Variants in WWOX observed in about 807,000 individuals in gnomAD.
The protein encoded by WWOX is WW domain-containing oxidoreductase.
In WWOX, 69 loss-of-function variants were observed where a neutral mutation model predicts 46.2. The observed-to-expected ratio is 1.49, with a 90% CI of 1.23 to 1.82. The LOEUF is 1.82. WWOX is among the 40% of genes most tolerant of loss of function. WWOX has a pLI of 0.00. For missense variants in WWOX, 919 were observed against 542.6 expected, an observed-to-expected ratio of 1.69 and a Z score of -6.89; for synonymous variants, 359 against 202.6, an observed-to-expected ratio of 1.77 and a Z score of -6.56.
intron 4 of WWOX, among the ~76,000 whole-genome samples, chr16:78,146,504 C>G (rs1443851519): frequency 6.6e-6 from 1 of 152,136 alleles, no homozygotes; most frequent in Non-Finnish European, 1.5e-5. Flanking sequence ...GTGCATCCCT[C>G]ACATTCACAC....
chr16:79,131,221 C>G (rs140865619), intron 8 of WWOX, among the ~76,000 whole-genome samples: 1 of 152,130 alleles, frequency 6.6e-6, no homozygotes, highest in African/African-American at 2.4e-5. Context: ...TGGTCTCTCC[C>G]TTCCTCCAGG....
chr16:79,180,588 G>C (rs1174901748), intron 8 of WWOX, among the ~76,000 whole-genome samples: 1 of 152,118 alleles, frequency 6.6e-6, no homozygotes, highest in East Asian at 1.9e-4. Flanking sequence ...CCCTGAAGAA[G>C]TGGAAAGAGA....
intron 8 of WWOX, among the ~76,000 whole-genome samples, chr16:79,089,400 C>T (rs996910168): frequency 2.0e-5 from 3 of 150,522 alleles, no homozygotes; most frequent in South Asian, 2.1e-4. Context: ...GGCATGATCT[C>T]GGCTCACTGC....
chr16:79,210,336 C>T (rs144661091), intron 8 of WWOX, among the ~76,000 whole-genome samples: 1 of 152,222 alleles, frequency 6.6e-6, no homozygotes, highest in East Asian at 1.9e-4. Context: ...GGACCTGACT[C>T]TCCCAGGGAT....
At chr16:78,511,365 C>T (rs2085356516) in intron 8 of WWOX, among the ~76,000 whole-genome samples, 1 of 152,146 alleles carries the variant, frequency 6.6e-6, no homozygotes, top group African/African-American at 2.4e-5. Context: ...ATTTTGAGAA[C>T]TCTGAAATAA....
intron 8 of WWOX, among the ~76,000 whole-genome samples, chr16:78,839,495 T>A (rs142061103): frequency 6.6e-6 from 1 of 152,336 alleles, no homozygotes; most frequent in East Asian, 1.9e-4. Context: ...ATGCATTTTA[T>A]GTACAGGGCT....
intron 8 of WWOX, among the ~76,000 whole-genome samples, chr16:78,509,939 AAAG>A (rs1271209015): frequency 1.3e-5 from 2 of 150,448 alleles, no homozygotes; most frequent in Admixed American, 6.7e-5. Flanking sequence ...AAAAAAAAAA[AAAG>A]AAAGAAAAAT....
intron 6 of WWOX, among the ~76,000 whole-genome samples, chr16:78,422,720 C>CATATATATATATACACACACACATAT: frequency 4.9e-4 from 47 of 95,862 alleles, no homozygotes; most frequent in South Asian, 1.6e-3. Context: ...TACACACACA[C>CATATATATATATACACACACACATAT]ATATATATAT....
chr16:78,432,344 G>A (rs2083241108), intron 7 of WWOX, 144 bp from the exon 8 acceptor site: 1 of 1,073,582 alleles, frequency 9.3e-7, no homozygotes, highest in Non-Finnish European at 1.4e-6. Flanking sequence ...GACCTCAGGT[G>A]ATCCACTCGT....
chr16:78,725,847 A>T (rs963166076), intron 8 of WWOX, among the ~76,000 whole-genome samples: 1 of 151,840 alleles, frequency 6.6e-6, no homozygotes, highest in Non-Finnish European at 1.5e-5. Flanking sequence ...TTGTAGGTGC[A>T]TCACTCCAAT....
At chr16:78,455,452 C>T (rs146124057) in intron 8 of WWOX, among the ~76,000 whole-genome samples, 9,073 of 151,612 alleles carry the variant, frequency 0.06, 313 homozygotes, top group East Asian at 0.091. Context: ...ACCAGCCTGG[C>T]CAAAATGGTG....
At chr16:79,179,285 C>T (rs371200423) in intron 8 of WWOX, among the ~76,000 whole-genome samples, 3 of 152,104 alleles carry the variant, frequency 2.0e-5, no homozygotes, top group Non-Finnish European at 4.4e-5. Flanking sequence ...ACATAAAAAC[C>T]GATTACAACA....
chr16:78,991,011 T>A (rs1381232363), intron 8 of WWOX, among the ~76,000 whole-genome samples: 1 of 152,122 alleles, frequency 6.6e-6, no homozygotes, highest in African/African-American at 2.4e-5. Context: ...TCTTGGTCAT[T>A]TTGTTAGATT....
intron 4 of WWOX, among the ~76,000 whole-genome samples, chr16:78,133,281 G>A (rs1024803314): frequency 4.6e-5 from 7 of 152,142 alleles, no homozygotes; most frequent in Non-Finnish European, 1.0e-4. Context: ...TTTTTTGAAA[G>A]ATGGAGTCTT....
At chr16:78,646,674 C>G (rs1050910267) in intron 8 of WWOX, among the ~76,000 whole-genome samples, 1 of 152,184 alleles carries the variant, frequency 6.6e-6, no homozygotes, top group Non-Finnish European at 1.5e-5. Context: ...GTGATCCGCC[C>G]TACTGGGCCT....
intron 8 of WWOX, among the ~76,000 whole-genome samples, chr16:78,449,259 C>T (rs1245170582): frequency 6.6e-6 from 1 of 152,152 alleles, no homozygotes; most frequent in Non-Finnish European, 1.5e-5. Flanking sequence ...AAATAGAATC[C>T]ATTGGTAAAA....
chr16:78,674,570 C>T (rs1213830141), intron 8 of WWOX, among the ~76,000 whole-genome samples: 1 of 152,176 alleles, frequency 6.6e-6, no homozygotes, highest in East Asian at 1.9e-4. Context: ...CAGGCTTGAG[C>T]CACAGCACCC....
chr16:78,404,169 A>AGGGACTC (rs1460994733), intron 6 of WWOX, among the ~76,000 whole-genome samples: 1 of 152,118 alleles, frequency 6.6e-6, no homozygotes, highest in Non-Finnish European at 1.5e-5. Flanking sequence ...TAACAGAGGG[A>AGGGACTC]GGGACTCGGG....
intron 8 of WWOX, among the ~76,000 whole-genome samples, chr16:78,894,363 C>T (rs147106344): frequency 7.9e-5 from 12 of 152,144 alleles, no homozygotes; most frequent in Non-Finnish European, 1.5e-4. Flanking sequence ...AAAGGATACA[C>T]CTCCAAGTAT....
Sources: gnomAD v4.1 joint callset for allele counts (sites outside exome capture counted in the v4.1 genomes callset) on GRCh38, gnomAD v4.1.1 for gene constraint, MANE v1.5 for transcripts, NCBI Gene and HGNC (gene_info 2026-07-23, HGNC 2026-07-21) for gene names.